Variants in PHACTR1 observed in about 807,000 individuals in gnomAD.
The protein encoded by PHACTR1 is RPEL repeat containing 1.
PHACTR1 carries 16 observed loss-of-function variants against 69.2 expected under a neutral mutation model. The observed-to-expected ratio is 0.23, with a 90% confidence interval of 0.16 to 0.35. PHACTR1 has a LOEUF of 0.35. Among genes scored for constraint, PHACTR1 ranks in the 10% least tolerant of loss-of-function variants. The probability of loss-of-function intolerance (pLI) is 1.00; values close to 1 mark genes in which losing one functional copy is unlikely to be tolerated. For synonymous variants in PHACTR1, 312 were observed against 284.5 expected (o/e 1.10, Z -0.97); for missense variants, 510 against 734.7 (o/e 0.69, Z 3.54).
intron 4 of PHACTR1, among the ~76,000 whole-genome samples, chr6:13,046,431 G>A (rs1805057954): frequency 1.3e-5 from 2 of 152,136 alleles, no homozygotes; most frequent in Admixed American, 6.5e-5. Context: ...CTCTTTGACT[G>A]GATGCTAAGG....
At chr6:12,779,134 G>A (rs1214035270) in intron 4 of PHACTR1, among the ~76,000 whole-genome samples, 1 of 152,178 alleles carries the variant, frequency 6.6e-6, no homozygotes, top group Non-Finnish European at 1.5e-5. Flanking sequence ...TCAGGAGTTC[G>A]AGACCAGCCT....
At chr6:13,234,251 A>G (rs1771658671) in intron 10 of PHACTR1, among the ~76,000 whole-genome samples, 1 of 152,346 alleles carries the variant, frequency 6.6e-6, no homozygotes, top group South Asian at 2.1e-4. Flanking sequence ...TGATTCTTTC[A>G]TTCCCTAGTC....
chr6:13,147,576 A>T (rs1304680571), intron 5 of PHACTR1, among the ~76,000 whole-genome samples: 1 of 152,208 alleles, frequency 6.6e-6, no homozygotes, highest in Non-Finnish European at 1.5e-5. Flanking sequence ...TGTTAAGAGC[A>T]ACCTTCTGCA....
intron 7 of PHACTR1, 74 bp downstream of exon 7, chr6:13,182,760 G>A (rs867406779): frequency 2.8e-6 from 4 of 1,422,578 alleles, no homozygotes; most frequent in Middle Eastern, 2.7e-4. Flanking sequence ...CTTTGGCCTG[G>A]CTGGACTTGG....
At chr6:13,006,103 C>G (rs1157141006) in intron 4 of PHACTR1, among the ~76,000 whole-genome samples, 1 of 152,168 alleles carries the variant, frequency 6.6e-6, no homozygotes, top group Non-Finnish European at 1.5e-5. Context: ...AGGATCACAT[C>G]AGCCAGTACA....
At chr6:13,208,912 G>A (rs12210311) in intron 8 of PHACTR1, among the ~76,000 whole-genome samples, 63,464 of 151,958 alleles carry the variant, frequency 0.42, 16,051 homozygotes, top group Non-Finnish European at 0.57. Context: ...GCATGATCTC[G>A]GCAGCAGAGC....
intron 5 of PHACTR1, among the ~76,000 whole-genome samples, chr6:13,120,184 A>G (rs1311923967): frequency 6.6e-6 from 1 of 152,066 alleles, no homozygotes; most frequent in African/African-American, 2.4e-5. Context: ...CTGGTCTACA[A>G]TCTAGCTTTG....
chr6:13,043,862 G>A (rs1281571478), intron 4 of PHACTR1, among the ~76,000 whole-genome samples: 1 of 152,138 alleles, frequency 6.6e-6, no homozygotes, highest in Non-Finnish European at 1.5e-5. Flanking sequence ...ACAAGACTTG[G>A]GAGTTTATTT....
chr6:13,264,055 T>C (rs2127426251), intron 10 of PHACTR1, among the ~76,000 whole-genome samples: 1 of 152,330 alleles, frequency 6.6e-6, no homozygotes, highest in South Asian at 2.1e-4. Context: ...TTGTCTCTGA[T>C]CAAAGACAAA....
chr6:12,933,722 C>A (rs1357856280), intron 4 of PHACTR1: 1 of 1,612,706 alleles, frequency 6.2e-7, no homozygotes, highest in African/African-American at 1.3e-5. Flanking sequence ...ACTGTGTTCC[C>A]TGGAAAACCA....
At chr6:13,141,281 C>T (rs1374376397) in intron 5 of PHACTR1, among the ~76,000 whole-genome samples, 1 of 152,124 alleles carries the variant, frequency 6.6e-6, no homozygotes, top group Non-Finnish European at 1.5e-5. Flanking sequence ...CAGATCAACC[C>T]AACTCAAATC....
At chr6:12,933,636 T>C in intron 4 of PHACTR1, 1 of 1,612,708 alleles carries the variant, frequency 6.2e-7, no homozygotes, top group East Asian at 2.2e-5. Context: ...TGTCCAGGCG[T>C]TTCCCTTTTT....
intron 8 of PHACTR1, among the ~76,000 whole-genome samples, chr6:13,220,112 G>T (rs1768369294): frequency 6.6e-6 from 1 of 152,212 alleles, no homozygotes; most frequent in African/African-American, 2.4e-5. Context: ...GGGCACTAAA[G>T]GACCATCTGC....
In PHACTR1 at chr6:13,084,314, A is replaced by C. The variant is rs554729742; in HGVS notation, c.415+30785A>C. Among the ~76,000 whole-genome samples, 75 of 144,002 alleles carry C rather than the reference A, an allele frequency of 5.2e-4. No individual in the cohort carries two copies. In the Middle Eastern group the frequency reaches 0.01, roughly 20 times the overall value. 94.5% of individuals were successfully genotyped at this position (144,002 alleles called of 152,430 possible). ...CGCATGTTCTCACTCATAGGTGGGAATTGAACAATGAGAACACATGGACAC... is the reference window on the plus strand; with the variant it reads ...CGCATGTTCTCACTCATAGGTGGGACTTGAACAATGAGAACACATGGACAC... On this transcript the variant is annotated intron_variant, in intron 5 of 14. Transcript: ENST00000332995.
Position 12,867,126 on chromosome 6 carries a change from A to G in PHACTR1, c.250+117336A>G, listed in dbSNP as rs146744048. On this transcript the variant is annotated intron_variant, in intron 4 of 14. Coordinates refer to ENST00000332995, the MANE Select transcript of PHACTR1 (RefSeq NM_030948.6). ...GGCCTCCAGCGAAGGGGGGTTTGCA[A>G]CATACTTAGGCAAAGGCTCAGTTTT... 8.3e-4 allele frequency among the ~76,000 whole-genome samples: 126 copies of G among 152,260 alleles called. 1 individual carries two copies. Among genetic ancestry groups the G allele is most frequent in the Admixed American group, 2.9e-3 (44 of 15,292 alleles).
chr6:12,770,297 T>C (rs1428753126), intron 4 of PHACTR1, among the ~76,000 whole-genome samples: 1 of 152,174 alleles, frequency 6.6e-6, no homozygotes, highest in Non-Finnish European at 1.5e-5. Flanking sequence ...GGCACAAAGA[T>C]AGGTAAGCAT....
chr6:13,115,873 A>T (rs1311779619), intron 5 of PHACTR1, among the ~76,000 whole-genome samples: 7 of 152,278 alleles, frequency 4.6e-5, no homozygotes, highest in African/African-American at 1.7e-4. Context: ...TCTTCTAAAA[A>T]ATTTCACCAA....
chr6:12,809,561 A>G (rs1283575504), intron 4 of PHACTR1, among the ~76,000 whole-genome samples: 1 of 152,216 alleles, frequency 6.6e-6, no homozygotes, highest in African/African-American at 2.4e-5. Flanking sequence ...GTTTCCAGGA[A>G]TTTAGATTTA....
chr6:13,158,980 T>A (rs1047852617), intron 5 of PHACTR1, among the ~76,000 whole-genome samples: 1 of 152,248 alleles, frequency 6.6e-6, no homozygotes, highest in African/African-American at 2.4e-5. Context: ...TGAGTCAGTG[T>A]GTACCGGAGA....
Sources: allele counts gnomAD v4.1 joint callset (sites outside exome capture counted in the v4.1 genomes callset), GRCh38; gene constraint gnomAD v4.1.1; transcripts MANE v1.5; gene names NCBI Gene and HGNC (gene_info 2026-07-23, HGNC 2026-07-21).